Variants in EPHA6 observed in about 807,000 individuals in gnomAD.
The protein encoded by EPHA6 is EPH receptor A6.
EPHA6 carries 50 observed loss-of-function variants against 112.0 expected under a neutral mutation model. The observed-to-expected ratio is 0.45, with a 90% CI of 0.36 to 0.56. The LOEUF is 0.56. EPHA6 is among the 20% of genes least tolerant of loss of function. EPHA6 has a pLI of 0.00. For missense variants in EPHA6, 1,280 were observed against 1,417.4 expected (o/e 0.90, Z 1.56); for synonymous variants, 529 against 490.7 (o/e 1.08, Z -1.03).
chr3:97,216,486 GA>G (rs1367092241), intron 3 of EPHA6, among the ~76,000 whole-genome samples: 4 of 152,138 alleles, frequency 2.6e-5, no homozygotes, highest in African/African-American at 9.6e-5. Context: ...TTCAGAAAAT[GA>G]AAATCAAGTG....
At chr3:96,919,337 T>C (rs902218589) in intron 2 of EPHA6, among the ~76,000 whole-genome samples, 17 of 151,862 alleles carry the variant, frequency 1.1e-4, no homozygotes, top group African/African-American at 4.1e-4. Context: ...TAGATTTAAG[T>C]TTGAGAGCAT....
At chr3:97,299,363 T>C (rs150943422) in intron 5 of EPHA6, among the ~76,000 whole-genome samples, 1 of 152,172 alleles carries the variant, frequency 6.6e-6, no homozygotes, top group African/African-American at 2.4e-5. Context: ...AAAACTCAGG[T>C]AAGATAAAAA....
chr3:97,492,308 C>T (rs554433969), intron 10 of EPHA6, among the ~76,000 whole-genome samples: 18 of 151,400 alleles, frequency 1.2e-4, no homozygotes, highest in Admixed American at 9.2e-4. Context: ...TTTGGGAGGC[C>T]GAGGCGTGCA....
chr3:97,456,409 T>A (rs891319421), intron 7 of EPHA6, among the ~76,000 whole-genome samples: 4 of 152,104 alleles, frequency 2.6e-5, no homozygotes, highest in African/African-American at 9.7e-5. Context: ...TTGACTAATA[T>A]TTCCCCATTT....
chr3:97,641,494 G>T (rs867837343), intron 14 of EPHA6, among the ~76,000 whole-genome samples: 19 of 152,204 alleles, frequency 1.2e-4, no homozygotes, highest in Admixed American at 7.8e-4. Flanking sequence ...GAGCGACGCA[G>T]AAGACGGGTG....
chr3:96,983,876 G>A (rs1418417678), intron 2 of EPHA6, among the ~76,000 whole-genome samples: 1 of 152,072 alleles, frequency 6.6e-6, no homozygotes, highest in Non-Finnish European at 1.5e-5. Flanking sequence ...TCATCACATA[G>A]TTCTCATGCC....
At chr3:97,094,571 T>G (rs2047180041) in intron 3 of EPHA6, among the ~76,000 whole-genome samples, 1 of 152,180 alleles carries the variant, frequency 6.6e-6, no homozygotes, top group Non-Finnish European at 1.5e-5. Flanking sequence ...CTATTTATCT[T>G]GAGTTATTAA....
intron 11 of EPHA6, among the ~76,000 whole-genome samples, chr3:97,554,993 A>C (rs1474827410): frequency 2.0e-5 from 3 of 151,474 alleles, no homozygotes; most frequent in Non-Finnish European, 4.4e-5. Context: ...GGTTGGTTAC[A>C]TATGTATACA....
At chr3:97,379,427 T>TA (rs2085576841) in intron 5 of EPHA6, among the ~76,000 whole-genome samples, 1 of 151,906 alleles carries the variant, frequency 6.6e-6, no homozygotes, top group Non-Finnish European at 1.5e-5. Context: ...CTAGAGAATC[T>TA]AGAAACAAAT....
rs763682996 is a variant in EPHA6, at chr3:96,994,759, A to AGAGAGC, written c.1114+6769_1114+6770insAGCGAG. On this transcript the variant is annotated intron_variant, in intron 3 of 17. Coordinates refer to ENST00000389672, the MANE Select transcript of EPHA6 (RefSeq NM_001080448.3). ...GAGAGAGAGAGAGAGAGAGAGAGAG[A>AGAGAGC]GAGCTATATATATACCTACAGGCTG... is the stretch of plus-strand genomic sequence containing the variant. 8.2e-3 allele frequency among the ~76,000 whole-genome samples: 948 copies of AGAGAGC among 116,130 alleles called. 15 individuals are homozygous for AGAGAGC. The highest frequency in any genetic ancestry group is 0.014 in the Middle Eastern group (3 of 220). The allele number at this position is 116,130 out of a possible 152,430, so 76.2% of individuals were successfully genotyped here. A position where few individuals can be genotyped will look rare whatever the true frequency, so the allele number is the denominator to read the frequency against.
intron 2 of EPHA6, among the ~76,000 whole-genome samples, chr3:96,957,663 A>G (rs1459846812): frequency 6.6e-6 from 1 of 152,218 alleles, no homozygotes; most frequent in African/African-American, 2.4e-5. Flanking sequence ...AAGTTAAGAA[A>G]ACAAGTGGGC....
intron 3 of EPHA6, among the ~76,000 whole-genome samples, chr3:97,170,263 A>G (rs1367832014): frequency 1.3e-5 from 2 of 152,158 alleles, no homozygotes; most frequent in Non-Finnish European, 2.9e-5. Flanking sequence ...TAAAATTGTT[A>G]CTATTAGTGC....
At chr3:97,097,701 A>G (rs1159202420) in intron 3 of EPHA6, among the ~76,000 whole-genome samples, 1 of 151,916 alleles carries the variant, frequency 6.6e-6, no homozygotes, top group African/African-American at 2.4e-5. Context: ...GTCTTATGTC[A>G]AGCCTGTATC....
At chr3:97,225,923 A>C (rs993183408) in intron 3 of EPHA6, among the ~76,000 whole-genome samples, 2 of 152,176 alleles carry the variant, frequency 1.3e-5, no homozygotes, top group African/African-American at 2.4e-5. Flanking sequence ...AACGACACAA[A>C]ATCATTTTCC....
intron 10 of EPHA6, among the ~76,000 whole-genome samples, chr3:97,490,611 T>G (rs977666465): frequency 3.3e-5 from 5 of 152,218 alleles, no homozygotes; most frequent in African/African-American, 1.2e-4. Context: ...ACTGGGTACA[T>G]CTTAGAATGA....
chr3:97,439,708 C>T, intron 6 of EPHA6: 1 of 715,062 alleles, frequency 1.4e-6, no homozygotes, highest in Non-Finnish European at 1.7e-6. Flanking sequence ...TGAAGTTTCT[C>T]ATCATGGGTT....
chr3:96,951,389 TCA>T (rs556785352), intron 2 of EPHA6, among the ~76,000 whole-genome samples: 311 of 152,268 alleles, frequency 2.0e-3, no homozygotes, highest in Non-Finnish European at 3.3e-3. Context: ...TACTAACAAC[TCA>T]GTTATTATTG....
intron 10 of EPHA6, among the ~76,000 whole-genome samples, chr3:97,502,184 T>A (rs2092137829): frequency 6.6e-6 from 1 of 150,818 alleles, no homozygotes; most frequent in Non-Finnish European, 1.5e-5. Flanking sequence ...TTTTTTTTTT[T>A]TTTTGACAGA....
intron 3 of EPHA6, among the ~76,000 whole-genome samples, chr3:97,067,695 G>A (rs759733923): frequency 6.6e-6 from 1 of 151,972 alleles, no homozygotes; most frequent in South Asian, 2.1e-4. Flanking sequence ...AAGCAGAGGG[G>A]TAGAATGAGG....
Sources: gnomAD v4.1 joint callset for allele counts (sites outside exome capture counted in the v4.1 genomes callset) on GRCh38, gnomAD v4.1.1 for gene constraint, MANE v1.5 for transcripts, NCBI Gene and HGNC (gene_info 2026-07-23, HGNC 2026-07-21) for gene names.